The following SOBP variants were observed in gnomAD, a reference collection of about 807,000 sequenced individuals.
SOBP encodes the protein sine oculis binding protein homolog.
In SOBP, 4 loss-of-function variants were observed where a neutral mutation model predicts 53.6. That is an observed-to-expected ratio of 0.07 (90% CI 0.04 to 0.17). The LOEUF is 0.17. Ranked by LOEUF, SOBP falls within the 10% of genes least tolerant of loss-of-function variation. The probability of loss-of-function intolerance (pLI) is 1.00; values close to 1 mark genes in which losing one functional copy is unlikely to be tolerated. For missense variants in SOBP, 1,088 were observed against 1,204.7 expected, an observed-to-expected ratio of 0.90 and a Z score of 1.43; for synonymous variants, 584 against 522.6, an observed-to-expected ratio of 1.12 and a Z score of -1.60.
intron 5 of SOBP, among the ~76,000 whole-genome samples, chr6:107,607,524 T>C (rs1391745075): frequency 6.6e-6 from 1 of 152,222 alleles, no homozygotes; most frequent in Non-Finnish European, 1.5e-5. Flanking sequence ...GTTTCTCTCC[T>C]ACTTTTTCTT....
chr6:107,578,295 T>G (rs940875938), intron 4 of SOBP, among the ~76,000 whole-genome samples: 9 of 151,606 alleles, frequency 5.9e-5, no homozygotes, highest in African/African-American at 1.9e-4. Flanking sequence ...TTTTCCTAAT[T>G]TTCTTGGTAT....
intron 6 of SOBP, among the ~76,000 whole-genome samples, chr6:107,639,074 T>C (rs1046032525): frequency 6.6e-6 from 1 of 152,126 alleles, no homozygotes; most frequent in African/African-American, 2.4e-5. Context: ...AGCTATTTTT[T>C]ATATTTTTGG....
chr6:107,599,545 A>C (rs559617075), intron 5 of SOBP, among the ~76,000 whole-genome samples: 5 of 151,696 alleles, frequency 3.3e-5, no homozygotes, highest in East Asian at 1.9e-4. Context: ...ATCAAAAAAA[A>C]CATTTTATTT....
chr6:107,537,819 C>CA (rs527261424), intron 4 of SOBP, among the ~76,000 whole-genome samples: 29,900 of 94,372 alleles, frequency 0.32, 3,785 homozygotes, highest in African/African-American at 0.4. Flanking sequence ...GACCCTATCT[C>CA]AAAAAAAAAA....
intron 3 of SOBP, among the ~76,000 whole-genome samples, chr6:107,517,601 T>C (rs746351045): frequency 6.6e-6 from 1 of 152,200 alleles, no homozygotes; most frequent in Non-Finnish European, 1.5e-5. Context: ...AAACATTCAG[T>C]CTATAACAAC....
intron 5 of SOBP, among the ~76,000 whole-genome samples, chr6:107,603,212 G>A (rs1248727948): frequency 6.6e-6 from 1 of 152,152 alleles, no homozygotes; most frequent in Non-Finnish European, 1.5e-5. Context: ...TCCCTGCTAC[G>A]GCCACTGGCC....
At chr6:107,591,443 T>C (rs1785743571) in intron 5 of SOBP, among the ~76,000 whole-genome samples, 1 of 152,150 alleles carries the variant, frequency 6.6e-6, no homozygotes, top group Admixed American at 6.5e-5. Context: ...TATGCAGTCA[T>C]TAAAAACTTA....
intron 3 of SOBP, among the ~76,000 whole-genome samples, chr6:107,508,533 C>G (rs1423799854): frequency 6.6e-6 from 1 of 151,922 alleles, no homozygotes; most frequent in Non-Finnish European, 1.5e-5. Flanking sequence ...GAGCTGAGAT[C>G]ATGCTACTGC....
intron 5 of SOBP, among the ~76,000 whole-genome samples, chr6:107,605,304 C>T (rs1253914918): frequency 6.6e-6 from 1 of 152,220 alleles, no homozygotes; most frequent in Admixed American, 6.5e-5. Context: ...TCTCCAGGCC[C>T]CCATGGGGCT....
intron 1 of SOBP, 88 bp from the exon 2 acceptor site, chr6:107,503,569 A>T: frequency 7.0e-7 from 1 of 1,421,444 alleles, no homozygotes; most frequent in Non-Finnish European, 9.9e-7. Context: ...CAAATAAATG[A>T]GGTAGGACAA....
intron 3 of SOBP, among the ~76,000 whole-genome samples, chr6:107,522,542 T>C (rs2114973175): frequency 1.4e-5 from 2 of 143,542 alleles, no homozygotes; most frequent in East Asian, 4.0e-4. Flanking sequence ...AAAAACTTTT[T>C]TTTTTTTTTT....
chr6:107,599,361 A>C (rs932513319), intron 5 of SOBP, among the ~76,000 whole-genome samples: 4 of 152,178 alleles, frequency 2.6e-5, no homozygotes, highest in African/African-American at 7.2e-5. Flanking sequence ...AAATACTAAC[A>C]AATAAAACTC....
Position 107,635,076 on chromosome 6 carries a change from G to A in SOBP, c.2232G>A (p.Gln744=), listed in dbSNP as rs2115149382. The change falls in exon 6 of 7, where the codon CAG becomes CAA. Residue 744 remains glutamine, a synonymous_variant. Coordinates refer to ENST00000317357, the MANE Select transcript of SOBP (RefSeq NM_018013.4). The surrounding 1 kb of genome is among the most constrained non-coding windows in gnomAD (Gnocchi z 4.5). The stretch of plus-strand genomic sequence containing the variant: ...AGAGCGCGGAGCCGCCTCCCGAGCA[G>A]CCGCCGCCGCCGCCGCCGCCCGCGC... ...GAKSAEPPPE[Q]PPPPPPPAPP... The A allele has an allele frequency of 2.1e-6, 3 of 1,445,378 alleles. No homozygotes were observed. Among genetic ancestry groups the A allele is most frequent in the Non-Finnish European group, 2.8e-6 (3 of 1,084,774 alleles). The allele number at this position is 1,445,378 out of a possible 1,614,324, so 89.5% of individuals were successfully genotyped here.
chr6:107,563,841 C>A (rs189761228), intron 4 of SOBP, among the ~76,000 whole-genome samples: 1 of 152,242 alleles, frequency 6.6e-6, no homozygotes, highest in African/African-American at 2.4e-5. Context: ...ACAGGGAGGC[C>A]CTCACAGCTT....
intron 2 of SOBP, among the ~76,000 whole-genome samples, chr6:107,505,204 A>G (rs1782948666): frequency 6.6e-6 from 1 of 152,118 alleles, no homozygotes. Context: ...ATACAGTGGG[A>G]CCTAGTTACA....
At chr6:107,536,195 T>C (rs1309698661) in intron 4 of SOBP, among the ~76,000 whole-genome samples, 1 of 152,228 alleles carries the variant, frequency 6.6e-6, no homozygotes, top group Non-Finnish European at 1.5e-5. Context: ...ACAGCCCGCT[T>C]CTTGCTGGAT....
chr6:107,653,687 G>A (rs1771901756), intron 6 of SOBP, among the ~76,000 whole-genome samples: 2 of 152,212 alleles, frequency 1.3e-5, no homozygotes, highest in Non-Finnish European at 2.9e-5. Flanking sequence ...AATAATACAA[G>A]TTTAGAAAAT....
intron 1 of SOBP, among the ~76,000 whole-genome samples, chr6:107,496,084 G>T (rs1454195187): frequency 1.3e-5 from 2 of 152,202 alleles, no homozygotes; most frequent in African/African-American, 2.4e-5. Context: ...TTTGCTGAAT[G>T]TATATTTTAG....
chr6:107,549,093 T>C (rs1013155969), intron 4 of SOBP, among the ~76,000 whole-genome samples: 6 of 151,970 alleles, frequency 3.9e-5, no homozygotes, highest in Admixed American at 1.3e-4. Context: ...GGTTAAACCC[T>C]GTCTCTACTA....
Sources: allele counts gnomAD v4.1 joint callset (sites outside exome capture counted in the v4.1 genomes callset), GRCh38; gene constraint gnomAD v4.1.1; non-coding constraint Gnocchi (gnomAD v3.1); transcripts MANE v1.5; gene names NCBI Gene and HGNC (gene_info 2026-07-23, HGNC 2026-07-21).